SNTG2: variants seen among roughly 807,000 people sequenced by gnomAD.
SNTG2 encodes the protein syntrophin gamma 2, also known as gamma-2-syntrophin.
A neutral mutation model predicts 70.9 loss-of-function variants in SNTG2; 74 were observed. The ratio of observed to expected loss-of-function variants is 1.04; its 90% CI spans 0.86 to 1.27. SNTG2 has a LOEUF of 1.27. Among genes scored for constraint, SNTG2 ranks in the 50% most tolerant of loss-of-function variants. The pLI is 0.00. For missense variants in SNTG2, 717 were observed against 690.7 expected (o/e 1.04, Z -0.43); for synonymous variants, 278 against 273.8 (o/e 1.02, Z -0.15).
intron 8 of SNTG2, among the ~76,000 whole-genome samples, chr2:1,189,981 A>C (rs1298110406): frequency 6.6e-6 from 1 of 152,138 alleles, no homozygotes; most frequent in Non-Finnish European, 1.5e-5. Flanking sequence ...AATCTTTAAA[A>C]CCTTTGGGAA....
chr2:1,192,726 A>G (rs948888396), intron 8 of SNTG2, among the ~76,000 whole-genome samples: 3 of 152,134 alleles, frequency 2.0e-5, no homozygotes, highest in African/African-American at 7.2e-5. Flanking sequence ...TCTCGGACTC[A>G]TCTGATCACA....
At chr2:1,112,169 G>A (rs535492549) in intron 4 of SNTG2, among the ~76,000 whole-genome samples, 5 of 151,408 alleles carry the variant, frequency 3.3e-5, no homozygotes, top group African/African-American at 4.9e-5. Context: ...GAGAAGGATC[G>A]TGTGTACTAA....
intron 4 of SNTG2, among the ~76,000 whole-genome samples, chr2:1,117,133 T>G: frequency 6.6e-6 from 1 of 151,420 alleles, no homozygotes; most frequent in East Asian, 2.0e-4. Flanking sequence ...GTGTAGGTGC[T>G]CTGGTGCGTG....
chr2:1,333,013 C>G (rs1186389090), intron 16 of SNTG2, among the ~76,000 whole-genome samples: 1 of 152,166 alleles, frequency 6.6e-6, no homozygotes, highest in Non-Finnish European at 1.5e-5. Context: ...GGAGGTCAAA[C>G]TATCGCTGTT....
chr2:1,209,917 T>C (rs1458037750), intron 9 of SNTG2, among the ~76,000 whole-genome samples: 1 of 152,028 alleles, frequency 6.6e-6, no homozygotes, highest in East Asian at 1.9e-4. Flanking sequence ...TCCCACAATG[T>C]GTGTGCATCT....
intron 1 of SNTG2, among the ~76,000 whole-genome samples, chr2:1,055,320 A>G (rs935771162): frequency 3.3e-5 from 5 of 152,088 alleles, no homozygotes; most frequent in African/African-American, 1.2e-4. Context: ...TAAGTTTTTC[A>G]TTTTGTGTAG....
At chr2:1,069,489 G>GAA (rs5828802) in intron 1 of SNTG2, among the ~76,000 whole-genome samples, 28 of 143,862 alleles carry the variant, frequency 1.9e-4, no homozygotes, top group Non-Finnish European at 3.0e-4. Flanking sequence ...CTGAGGCTAG[G>GAA]AAAAAAAAAA....
chr2:962,675 GAA>G (rs1660390823), intron 1 of SNTG2, among the ~76,000 whole-genome samples: 1 of 152,094 alleles, frequency 6.6e-6, no homozygotes, highest in Non-Finnish European at 1.5e-5. Context: ...GAAATAAATA[GAA>G]AAATAATAAA....
chr2:1,297,599 T>G (rs982329756), intron 14 of SNTG2, among the ~76,000 whole-genome samples: 4 of 150,380 alleles, frequency 2.7e-5, no homozygotes, highest in South Asian at 2.1e-4. Context: ...GCCCAGCCCG[T>G]CGCCTCTGCA....
chr2:1,157,243 G>T (rs549712617), intron 6 of SNTG2, among the ~76,000 whole-genome samples: 2 of 152,288 alleles, frequency 1.3e-5, no homozygotes, highest in South Asian at 4.1e-4. Flanking sequence ...CTAGAGACTT[G>T]GTAAGTTTGG....
intron 13 of SNTG2, among the ~76,000 whole-genome samples, chr2:1,260,581 AT>A (rs1678361889): frequency 6.6e-6 from 1 of 152,236 alleles, no homozygotes; most frequent in Non-Finnish European, 1.5e-5. Context: ...GGAAAATAGA[AT>A]AAAACATTAA....
chr2:1,071,157 A>T (rs1244935923), intron 1 of SNTG2, among the ~76,000 whole-genome samples: 1 of 152,102 alleles, frequency 6.6e-6, no homozygotes. Context: ...CTGGGTATAT[A>T]CCCAAATGAC....
intron 4 of SNTG2, among the ~76,000 whole-genome samples, chr2:1,118,255 CT>C (rs935237958): frequency 2.6e-5 from 4 of 152,082 alleles, no homozygotes; most frequent in Non-Finnish European, 4.4e-5. Flanking sequence ...GTGTCAGACC[CT>C]GCGCTGAGAA....
intron 1 of SNTG2, among the ~76,000 whole-genome samples, chr2:1,029,550 G>A (rs1660695097): frequency 6.6e-6 from 1 of 152,190 alleles, no homozygotes; most frequent in Non-Finnish European, 1.5e-5. Flanking sequence ...CCGCTAATCA[G>A]CAATGTTGTC....
At chr2:958,960 G>A (rs1289917103) in intron 1 of SNTG2, among the ~76,000 whole-genome samples, 1 of 152,102 alleles carries the variant, frequency 6.6e-6, no homozygotes, top group Non-Finnish European at 1.5e-5. Flanking sequence ...ATAACAAAAG[G>A]TAATAAAGGA....
chr2:963,949 G>A (rs1660442237), intron 1 of SNTG2, among the ~76,000 whole-genome samples: 2 of 152,088 alleles, frequency 1.3e-5, no homozygotes, highest in South Asian at 2.1e-4. Context: ...TTGTTCCAAA[G>A]TGACCGTGTC....
chr2:1,143,125 AG>A (rs1253382845), intron 6 of SNTG2, among the ~76,000 whole-genome samples: 1 of 152,202 alleles, frequency 6.6e-6, no homozygotes, highest in Non-Finnish European at 1.5e-5. Flanking sequence ...AATGTGCAAA[AG>A]GGACACAGAC....
chr2:1,231,548 G>A (rs150254539), intron 9 of SNTG2, among the ~76,000 whole-genome samples: 1 of 152,346 alleles, frequency 6.6e-6, no homozygotes, highest in Admixed American at 6.5e-5. Flanking sequence ...CCTCGCTCCA[G>A]ATGGTCCCCA....
intron 1 of SNTG2, among the ~76,000 whole-genome samples, chr2:986,548 CT>C (rs1407836756): frequency 6.6e-6 from 1 of 152,204 alleles, no homozygotes; most frequent in African/African-American, 2.4e-5. Context: ...CATTTGGAAC[CT>C]TCTGGACAGC....
Sources: allele counts gnomAD v4.1 joint callset (sites outside exome capture counted in the v4.1 genomes callset), GRCh38; gene constraint gnomAD v4.1.1; transcripts MANE v1.5; gene names NCBI Gene and HGNC (gene_info 2026-07-23, HGNC 2026-07-21).